RAP1GAP2: variants seen among roughly 807,000 people sequenced by gnomAD.
RAP1GAP2 encodes rap1 GTPase-activating protein 2.
RAP1GAP2 carries 27 observed loss-of-function variants against 95.0 expected under a neutral mutation model. That is an observed-to-expected ratio of 0.28 (90% confidence interval 0.21 to 0.39). The LOEUF (loss-of-function observed/expected upper bound fraction) is 0.39, where lower values mean the gene tolerates loss of function less well. Among genes scored for constraint, RAP1GAP2 ranks in the 10% least tolerant of loss-of-function variants. The probability of loss-of-function intolerance (pLI) is 1.00; values close to 1 mark genes in which losing one functional copy is unlikely to be tolerated. For missense variants in RAP1GAP2, 771 were observed against 970.0 expected (o/e 0.79, Z 2.72); for synonymous variants, 373 against 380.9 (o/e 0.98, Z 0.24).
chr17:2,881,185 T>C lies in RAP1GAP2; in HGVS notation c.81-24099T>C, dbSNP rs560701478. Among the ~76,000 whole-genome samples the C allele has an allele frequency of 6.8e-3, 1,022 of 150,542 alleles. 14 individuals carry two copies. Among genetic ancestry groups the C allele is most frequent in the African/African-American group, 0.022 (914 of 40,848 alleles). On this transcript the variant is annotated intron_variant, in intron 2 of 24. Coordinates refer to ENST00000254695, the MANE Select transcript of RAP1GAP2 (RefSeq NM_015085.5). The stretch of plus-strand genomic sequence containing the variant: ...CTGAGGCAGGAGGATTGCTTGAACC[T>C]GGGAGGCAGAGGCTGGAGTGAGCCG...
At chr17:2,858,813 T>C (rs1223061674) in intron 2 of RAP1GAP2, among the ~76,000 whole-genome samples, 1 of 151,924 alleles carries the variant, frequency 6.6e-6, no homozygotes, top group African/African-American at 2.4e-5. Context: ...CTCGGGAGGC[T>C]GAGGCATGAG....
At chr17:2,847,825 T>A (rs2071655168) in intron 2 of RAP1GAP2, among the ~76,000 whole-genome samples, 1 of 152,154 alleles carries the variant, frequency 6.6e-6, no homozygotes, top group South Asian at 2.1e-4. Context: ...CTCCTGATTC[T>A]CTGTACTGAC....
At chr17:3,020,740 C>T in intron 19 of RAP1GAP2, 145 bp downstream of exon 19, 1 of 683,664 alleles carries the variant, frequency 1.5e-6, no homozygotes, top group Non-Finnish European at 2.5e-6. Flanking sequence ...ACCTGTGTGT[C>T]CCCTGTCACT....
intron 19 of RAP1GAP2, among the ~76,000 whole-genome samples, chr17:3,022,416 A>G (rs2046991830): frequency 6.6e-6 from 1 of 152,234 alleles, no homozygotes; most frequent in African/African-American, 2.4e-5. Flanking sequence ...TCCTCGGTAT[A>G]TACCCAAGAG....
rs2047400632 is a variant in RAP1GAP2 at position 3,033,839 on chromosome 17, G to T, written c.*478G>T. On this transcript the variant is annotated 3_prime_UTR_variant, in exon 25 of 25. Coordinates refer to ENST00000254695, the MANE Select transcript of RAP1GAP2 (RefSeq NM_015085.5). The surrounding 1 kb of genome is among the most constrained non-coding windows in gnomAD (Gnocchi z 4.9). ...GGCTTTACTACCAGGAACGCACTCG[G>T]TGGTGGAGGCCCCATGTTCCCAGGA... The T allele has an allele frequency of 6.6e-6, 1 of 152,302 alleles. No individual in the cohort carries two copies. The highest frequency in any genetic ancestry group is 2.4e-5 in the African/African-American group (1 of 41,456). 9.4% of individuals were successfully genotyped at this position (152,302 alleles called of 1,614,324 possible).
chr17:2,762,188 C>T (rs942865237), intron 1 of RAP1GAP2, among the ~76,000 whole-genome samples: 5 of 151,142 alleles, frequency 3.3e-5, no homozygotes, highest in Admixed American at 3.3e-4. Flanking sequence ...GGGGTTTCAC[C>T]GTGTTAGCCA....
chr17:2,898,967 C>T (rs887024329), intron 2 of RAP1GAP2, among the ~76,000 whole-genome samples: 2 of 140,028 alleles, frequency 1.4e-5, no homozygotes, highest in Middle Eastern at 3.2e-3. Context: ...GATTGCATCC[C>T]GTTCCCCTCT....
At chr17:3,030,183 C>G (rs1234653154) in intron 22 of RAP1GAP2, among the ~76,000 whole-genome samples, 2 of 149,276 alleles carry the variant, frequency 1.3e-5, no homozygotes, top group Non-Finnish European at 3.0e-5. Flanking sequence ...ATTATACACA[C>G]ACACACACAC....
intron 8 of RAP1GAP2, among the ~76,000 whole-genome samples, chr17:2,972,143 A>C (rs2044890499): frequency 6.6e-6 from 1 of 152,230 alleles, no homozygotes; most frequent in South Asian, 2.1e-4. Flanking sequence ...GGTAAAAAAG[A>C]AACCTGAACA....
intron 17 of RAP1GAP2, among the ~76,000 whole-genome samples, chr17:3,012,538 A>C (rs1297662437): frequency 6.8e-6 from 1 of 146,322 alleles, no homozygotes; most frequent in Non-Finnish European, 1.5e-5. Context: ...GAATTGCTCA[A>C]ACCTGGGAGG....
chr17:2,955,530 A>G (rs1427179041), intron 3 of RAP1GAP2, among the ~76,000 whole-genome samples: 1 of 152,188 alleles, frequency 6.6e-6, no homozygotes, highest in Non-Finnish European at 1.5e-5. Context: ...CCTTTATCAG[A>G]TATACAATTT....
In RAP1GAP2 at chr17:2,963,266, G is replaced by A. The variant is rs960942685; in HGVS notation, c.247-164G>A. On this transcript the variant is annotated intron_variant, in intron 5 of 24. Coordinates refer to ENST00000254695, the MANE Select transcript of RAP1GAP2 (RefSeq NM_015085.5). This position sits in a 1 kb window ranked among gnomAD's most constrained non-coding sequence, Gnocchi z 4.8. ...GTTCTGTCAGTTTGGAGAAGAACAT[G>A]GGGGATGTTAGATTCCAGAGCTGAT... The A allele has an allele frequency of 2.5e-6, 2 of 789,756 alleles. No homozygotes were observed. The highest frequency in any genetic ancestry group is 4.3e-6 in the Non-Finnish European group (2 of 460,260). The allele number at this position is 789,756 out of a possible 1,614,324, so 48.9% of individuals were successfully genotyped here.
chr17:2,836,888 T>A (rs532238529), intron 2 of RAP1GAP2, among the ~76,000 whole-genome samples: 1 of 152,290 alleles, frequency 6.6e-6, no homozygotes, highest in East Asian at 1.9e-4. Context: ...AAATTTGGTG[T>A]TCACTCTGTT....
Position 2,833,935 on chromosome 17 carries a change from C to T in RAP1GAP2, c.80+33385C>T, listed in dbSNP as rs563554756. 1.9e-4 allele frequency among the ~76,000 whole-genome samples: 29 copies of T among 152,154 alleles called. 1 individual carries two copies. In the South Asian group the frequency reaches 6.0e-3, roughly 32 times the overall value. ...CTGTCTCCTTGCTGTGGTTGCATTC[C>T]CTGATTTCCAGCCCTCTGAGCAGCT... On this transcript the variant is annotated intron_variant, in intron 2 of 24. Transcript: ENST00000254695.
intron 17 of RAP1GAP2, among the ~76,000 whole-genome samples, chr17:3,013,237 C>A (rs2046624874): frequency 6.6e-6 from 1 of 152,190 alleles, no homozygotes; most frequent in African/African-American, 2.4e-5. Flanking sequence ...GTAAGCCGGT[C>A]CCCCTAGCAG....
chr17:2,764,120 A>AT (rs1401927762), intron 1 of RAP1GAP2, among the ~76,000 whole-genome samples: 3 of 152,132 alleles, frequency 2.0e-5, no homozygotes, highest in Non-Finnish European at 4.4e-5. Context: ...TAAAAAAAAA[A>AT]GGTATTTACC....
At chr17:2,805,843 G>A (rs1046010114) in intron 2 of RAP1GAP2, among the ~76,000 whole-genome samples, 2 of 152,162 alleles carry the variant, frequency 1.3e-5, no homozygotes, top group Non-Finnish European at 2.9e-5. Flanking sequence ...GGCTGCGGTG[G>A]CCTGGAGTGA....
At chr17:2,830,660 G>A (rs2151543423) in intron 2 of RAP1GAP2, among the ~76,000 whole-genome samples, 1 of 151,872 alleles carries the variant, frequency 6.6e-6, no homozygotes, top group South Asian at 2.1e-4. Context: ...GTTGCAGTGA[G>A]CCGAGATCAC....
intron 1 of RAP1GAP2, among the ~76,000 whole-genome samples, chr17:2,790,340 G>A (rs891047487): frequency 1.3e-5 from 2 of 152,098 alleles, no homozygotes; most frequent in East Asian, 1.9e-4. Flanking sequence ...TCAAACTCCC[G>A]ACCTCAGGTG....
Sources: allele counts gnomAD v4.1 joint callset (sites outside exome capture counted in the v4.1 genomes callset), GRCh38; gene constraint gnomAD v4.1.1; non-coding constraint Gnocchi (gnomAD v3.1); transcripts MANE v1.5; gene names NCBI Gene and HGNC (gene_info 2026-07-23, HGNC 2026-07-21).